Variants in DSCAM observed in about 807,000 individuals in gnomAD.
DSCAM encodes the protein cell adhesion molecule DSCAM.
A neutral mutation model predicts 217.7 loss-of-function variants in DSCAM; 47 were observed. That is an observed-to-expected ratio of 0.22 (90% CI 0.17 to 0.28). The LOEUF is 0.28. Ranked by LOEUF, DSCAM falls within the 10% of genes least tolerant of loss-of-function variation. The probability of loss-of-function intolerance (pLI) is 1.00; values close to 1 mark genes in which losing one functional copy is unlikely to be tolerated. For synonymous variants in DSCAM, 1,056 were observed against 1,015.3 expected (o/e 1.04, Z -0.76); for missense variants, 2,080 against 2,618.3 (o/e 0.79, Z 4.49).
At chr21:40,426,110 G>A (rs953948413) in intron 3 of DSCAM, among the ~76,000 whole-genome samples, 7 of 152,274 alleles carry the variant, frequency 4.6e-5, no homozygotes, top group African/African-American at 1.4e-4. Context: ...TACTCCATTG[G>A]TAGCACTGGA....
chr21:40,675,055 G>A (rs741912), intron 3 of DSCAM, among the ~76,000 whole-genome samples: 71,667 of 151,834 alleles, frequency 0.47, 17,315 homozygotes, highest in East Asian at 0.59. Context: ...ACGTACACAC[G>A]ATGCATGTTC....
intron 1 of DSCAM, among the ~76,000 whole-genome samples, chr21:40,826,073 A>G (rs2091966288): frequency 6.6e-6 from 1 of 152,236 alleles, no homozygotes; most frequent in South Asian, 2.1e-4. Context: ...GAGACAGATG[A>G]TAAACTTCTA....
intron 3 of DSCAM, among the ~76,000 whole-genome samples, chr21:40,640,454 C>T (rs552778298): frequency 4.6e-5 from 7 of 152,292 alleles, no homozygotes; most frequent in Non-Finnish European, 8.8e-5. Flanking sequence ...GGGGAAGAGA[C>T]GGAGGATGCA....
intron 3 of DSCAM, among the ~76,000 whole-genome samples, chr21:40,566,904 G>C (rs2076768975): frequency 6.6e-6 from 1 of 152,082 alleles, no homozygotes; most frequent in Non-Finnish European, 1.5e-5. Flanking sequence ...GTGAGACACA[G>C]GAAAGTGGGG....
intron 32 of DSCAM, among the ~76,000 whole-genome samples, chr21:40,022,791 T>TC (rs200431475): frequency 6.6e-6 from 1 of 151,962 alleles, no homozygotes; most frequent in Non-Finnish European, 1.5e-5. Flanking sequence ...TTTTTTTTTT[T>TC]CTTATATCTA....
At chr21:40,277,719 C>T (rs1304223740) in intron 10 of DSCAM, among the ~76,000 whole-genome samples, 9 of 150,178 alleles carry the variant, frequency 6.0e-5, no homozygotes, top group East Asian at 2.0e-4. Context: ...CTGCAACTTC[C>T]GCCTCCTGGG....
chr21:40,344,327 T>A (rs1317936894), intron 6 of DSCAM, among the ~76,000 whole-genome samples: 2 of 152,226 alleles, frequency 1.3e-5, no homozygotes, highest in Non-Finnish European at 2.9e-5. Context: ...TAGATATGTC[T>A]CCATTTTATG....
chr21:40,725,322 A>T (rs1054075183), intron 1 of DSCAM, among the ~76,000 whole-genome samples: 1 of 151,208 alleles, frequency 6.6e-6, no homozygotes, highest in African/African-American at 2.4e-5. Context: ...GCCTTTTCTT[A>T]TCAGCAATGC....
chr21:40,589,491 G>T (rs1469558611), intron 3 of DSCAM, among the ~76,000 whole-genome samples: 1 of 152,028 alleles, frequency 6.6e-6, no homozygotes, highest in Non-Finnish European at 1.5e-5. Context: ...CAGGAGAATT[G>T]CTTGAACCCA....
chr21:40,533,293 T>C (rs918678377), intron 3 of DSCAM, among the ~76,000 whole-genome samples: 2 of 152,266 alleles, frequency 1.3e-5, no homozygotes, highest in Non-Finnish European at 2.9e-5. Context: ...CATTGCTCTA[T>C]ATATGTACAA....
intron 29 of DSCAM, among the ~76,000 whole-genome samples, chr21:40,054,357 T>C (rs1347767735): frequency 4.6e-5 from 7 of 152,218 alleles, no homozygotes; most frequent in Admixed American, 4.6e-4. Flanking sequence ...AGTGCTGCTA[T>C]GCCTGGACCA....
intron 8 of DSCAM, among the ~76,000 whole-genome samples, chr21:40,316,766 C>G (rs1404321184): frequency 6.6e-6 from 1 of 152,092 alleles, no homozygotes; most frequent in Non-Finnish European, 1.5e-5. Flanking sequence ...CAGCTCAGAG[C>G]CATTGAATAC....
rs75849210 is a variant in DSCAM at position 40,316,482 on chromosome 21, G to A, written c.1784-4123C>T. On this transcript the variant is annotated intron_variant, in intron 8 of 32. Coordinates refer to ENST00000400454, the MANE Select transcript of DSCAM (RefSeq NM_001389.5). The stretch of plus-strand genomic sequence containing the variant: ...ATCGATGGCACAAAGTAACTCCAGT[G>A]ATTAGAAAACTCTTCTCATGATTTT... 7.7e-3 allele frequency among the ~76,000 whole-genome samples: 1,167 copies of A among 152,288 alleles called. 13 individuals carry two copies. Among genetic ancestry groups the A allele is most frequent in the Middle Eastern group, 0.054 (16 of 294 alleles).
chr21:40,386,911 A>C (rs1390502343), intron 3 of DSCAM, among the ~76,000 whole-genome samples: 1 of 152,142 alleles, frequency 6.6e-6, no homozygotes, highest in South Asian at 2.1e-4. Context: ...TCTAGGATTA[A>C]GTTTTGGTCA....
chr21:40,543,711 A>C (rs2076559316), intron 3 of DSCAM, among the ~76,000 whole-genome samples: 1 of 152,158 alleles, frequency 6.6e-6, no homozygotes, highest in African/African-American at 2.4e-5. Context: ...AAGGGATATC[A>C]AATTAGTACT....
At chr21:40,118,448 G>T (rs1424360446) in intron 20 of DSCAM, among the ~76,000 whole-genome samples, 2 of 152,138 alleles carry the variant, frequency 1.3e-5, no homozygotes, top group Non-Finnish European at 2.9e-5. Flanking sequence ...TTAGCCTGGT[G>T]GGGTGGCGGG....
intron 8 of DSCAM, among the ~76,000 whole-genome samples, chr21:40,328,909 A>C (rs983249686): frequency 6.6e-6 from 1 of 152,220 alleles, no homozygotes; most frequent in Non-Finnish European, 1.5e-5. Flanking sequence ...GGTATATAAA[A>C]AATGCTCAAC....
At chr21:40,089,262 A>G (rs1437659041) in intron 21 of DSCAM, among the ~76,000 whole-genome samples, 1 of 152,224 alleles carries the variant, frequency 6.6e-6, no homozygotes, top group African/African-American at 2.4e-5. Context: ...TGGGGCAGCC[A>G]AGAGAATCCC....
intron 1 of DSCAM, among the ~76,000 whole-genome samples, chr21:40,820,518 T>C (rs1009588501): frequency 6.6e-6 from 1 of 152,102 alleles, no homozygotes; most frequent in Non-Finnish European, 1.5e-5. Flanking sequence ...ATATGGGGCT[T>C]ACAACCTAGA....
Sources: allele counts gnomAD v4.1 joint callset (sites outside exome capture counted in the v4.1 genomes callset), GRCh38; gene constraint gnomAD v4.1.1; transcripts MANE v1.5; gene names NCBI Gene and HGNC (gene_info 2026-07-23, HGNC 2026-07-21).